The following KCNQ3 variants were observed in gnomAD, a reference collection of about 807,000 sequenced individuals.
The protein encoded by KCNQ3 is potassium voltage-gated channel subfamily Q member 3, also known as potassium voltage-gated channel subfamily KQT member 3.
A neutral mutation model predicts 92.5 loss-of-function variants in KCNQ3; 30 were observed. That is an observed-to-expected ratio of 0.32 (90% CI 0.24 to 0.44). The LOEUF (loss-of-function observed/expected upper bound fraction) is 0.44. Ranked by LOEUF, KCNQ3 falls within the 20% of genes least tolerant of loss-of-function variation. The pLI, the probability that KCNQ3 is intolerant of heterozygous loss-of-function variation, is 1.00. For missense variants in KCNQ3, 913 were observed against 1,140.3 expected, an observed-to-expected ratio of 0.80 and a Z score of 2.87; for synonymous variants, 450 against 468.8, an observed-to-expected ratio of 0.96 and a Z score of 0.52.
At chr8:132,329,440 C>T (rs1237786658) in intron 1 of KCNQ3, among the ~76,000 whole-genome samples, 4 of 152,210 alleles carry the variant, frequency 2.6e-5, no homozygotes, top group Admixed American at 6.5e-5. Flanking sequence ...TATAGCAAAA[C>T]GTCTGCTAGT....
intron 1 of KCNQ3, among the ~76,000 whole-genome samples, chr8:132,405,310 G>A (rs1021858342): frequency 2.6e-5 from 4 of 152,124 alleles, no homozygotes; most frequent in South Asian, 4.1e-4. Flanking sequence ...GTTTTCCCAC[G>A]GCATAAAATT....
rs186536459 is a variant in KCNQ3 at position 132,187,216 on chromosome 8, G to A, written c.387-1035C>T. The stretch of plus-strand genomic sequence containing the variant: ...TTCTACCCATGCTTTTTTGGCTTTT[G>A]TTCATTCATTCATTCAATATTTAAA... On this transcript the variant is annotated intron_variant, in intron 1 of 14. Coordinates refer to ENST00000388996, the MANE Select transcript of KCNQ3 (RefSeq NM_004519.4). 8.5e-4 allele frequency: 389 copies of A among 455,928 alleles called. 5 individuals carry two copies. The Middle Eastern group carries it at 0.02, about 23-fold the overall frequency. The allele number at this position is 455,928 out of a possible 1,614,324, so 28.2% of individuals were successfully genotyped here.
intron 1 of KCNQ3, among the ~76,000 whole-genome samples, chr8:132,366,803 C>T (rs1241400876): frequency 6.6e-6 from 1 of 151,730 alleles, no homozygotes; most frequent in African/African-American, 2.4e-5. Flanking sequence ...AGAACAAATT[C>T]CATTTGATCA....
chr8:132,431,691 C>G (rs1230707159), intron 1 of KCNQ3, among the ~76,000 whole-genome samples: 2 of 152,224 alleles, frequency 1.3e-5, no homozygotes, highest in African/African-American at 4.8e-5. Context: ...CAGAAATAAA[C>G]AGTGCTTTCA....
At chr8:132,287,930 T>G (rs925058110) in intron 1 of KCNQ3, among the ~76,000 whole-genome samples, 20 of 152,306 alleles carry the variant, frequency 1.3e-4, no homozygotes, top group Non-Finnish European at 8.8e-5. Flanking sequence ...TGGTGAATTT[T>G]ATGTTATTAA....
intron 1 of KCNQ3, among the ~76,000 whole-genome samples, chr8:132,442,062 C>T (rs1821552286): frequency 6.6e-6 from 1 of 152,132 alleles, no homozygotes; most frequent in Admixed American, 6.5e-5. Flanking sequence ...ACAGCATACA[C>T]TGCGGTCTTT....
intron 1 of KCNQ3, among the ~76,000 whole-genome samples, chr8:132,438,937 G>T (rs1306707492): frequency 6.7e-6 from 1 of 149,242 alleles, no homozygotes; most frequent in Non-Finnish European, 1.5e-5. Flanking sequence ...TTTCCAGCCT[G>T]GCTGAACATT....
At position 132,245,227 on chromosome 8, in the gene KCNQ3, G is replaced by C. The variant is rs186604415; in HGVS notation, c.387-59046C>G. The stretch of plus-strand genomic sequence containing the variant: ...TACTTGCACCCCAGGCAGTTGTAAG[G>C]GTTCTCAGAGAGAGAGTATATGTGA... On this transcript the variant is annotated intron_variant, in intron 1 of 14. Transcript: ENST00000388996. 4.0e-3 allele frequency among the ~76,000 whole-genome samples: 610 copies of C among 152,194 alleles called. 1 individual carries two copies. The highest frequency in any genetic ancestry group is 5.9e-3 in the Non-Finnish European group (399 of 68,018).
At chr8:132,209,040 A>T (rs1586830261) in intron 1 of KCNQ3, among the ~76,000 whole-genome samples, 1 of 152,256 alleles carries the variant, frequency 6.6e-6, no homozygotes, top group East Asian at 1.9e-4. Context: ...GGGTTCAATT[A>T]TCTGGGAATA....
intron 5 of KCNQ3, 31 bp from the exon 6 acceptor site, chr8:132,174,380 C>T: frequency 6.8e-7 from 1 of 1,466,096 alleles, no homozygotes; most frequent in Non-Finnish European, 9.4e-7. Context: ...ACATGGAGTA[C>T]CACATGGAGA....
chr8:132,448,714 T>A (rs555202255), intron 1 of KCNQ3, among the ~76,000 whole-genome samples: 1 of 152,324 alleles, frequency 6.6e-6, no homozygotes, highest in South Asian at 2.1e-4. Flanking sequence ...GCCATTTGGA[T>A]TTCATGGTCT....
chr8:132,215,162 T>C lies in KCNQ3; in HGVS notation c.387-28981A>G, dbSNP rs1217218127. Among the ~76,000 whole-genome samples the C allele has an allele frequency of 2.0e-5, 3 of 152,198 alleles. No individual in the cohort carries two copies. The East Asian group carries it at 5.8e-4, about 29-fold the overall frequency. The stretch of plus-strand genomic sequence containing the variant: ...CACACCTGAGTCTCAATTCAGCCAA[T>C]CCATAGCTGTGGGACCTTAGGCCAG... On this transcript the variant is annotated intron_variant, in intron 1 of 14. Transcript: ENST00000388996.
intron 1 of KCNQ3, among the ~76,000 whole-genome samples, chr8:132,243,898 T>C (rs1419864170): frequency 6.6e-6 from 1 of 152,242 alleles, no homozygotes; most frequent in Non-Finnish European, 1.5e-5. Flanking sequence ...GATATTATCA[T>C]TCTTGGATTG....
At chr8:132,377,281 A>G (rs1317154920) in intron 1 of KCNQ3, among the ~76,000 whole-genome samples, 2 of 152,210 alleles carry the variant, frequency 1.3e-5, no homozygotes, top group South Asian at 4.1e-4. Flanking sequence ...TCAGGCCTTC[A>G]TAGCTGGACT....
chr8:132,163,379 A>T, intron 9 of KCNQ3, 89 bp downstream of exon 9: 1 of 1,064,390 alleles, frequency 9.4e-7, no homozygotes. Context: ...GACCAGCATG[A>T]CCTCCCATGG....
intron 1 of KCNQ3, among the ~76,000 whole-genome samples, chr8:132,351,683 G>T (rs902827097): frequency 1.3e-5 from 2 of 152,212 alleles, no homozygotes; most frequent in Non-Finnish European, 2.9e-5. Flanking sequence ...TCCCGTGGGT[G>T]GCACTGTGAC....
intron 1 of KCNQ3, among the ~76,000 whole-genome samples, chr8:132,292,348 G>T (rs758994358): frequency 3.3e-5 from 5 of 152,160 alleles, no homozygotes; most frequent in African/African-American, 1.2e-4. Context: ...CCAATCTTAG[G>T]AGTATGAGGT....
chr8:132,280,422 C>A (rs1458378171), intron 1 of KCNQ3, among the ~76,000 whole-genome samples: 1 of 152,188 alleles, frequency 6.6e-6, no homozygotes, highest in Non-Finnish European at 1.5e-5. Flanking sequence ...AGGCATCTCA[C>A]ATGGCAGGAG....
intron 4 of KCNQ3, among the ~76,000 whole-genome samples, chr8:132,176,232 A>G (rs1427940939): frequency 6.6e-6 from 1 of 152,222 alleles, no homozygotes; most frequent in Non-Finnish European, 1.5e-5. Flanking sequence ...TTTCATGGAT[A>G]TTATCATATA....
Sources: allele counts gnomAD v4.1 joint callset (sites outside exome capture counted in the v4.1 genomes callset), GRCh38; gene constraint gnomAD v4.1.1; transcripts MANE v1.5; gene names NCBI Gene and HGNC (gene_info 2026-07-23, HGNC 2026-07-21).